The following NDRG4 variants were observed in gnomAD, a reference collection of about 807,000 sequenced individuals.
NDRG4 encodes the protein NDRG family member 4, also known as protein NDRG4.
In NDRG4, 38 loss-of-function variants were observed where a neutral mutation model predicts 55.8. The observed-to-expected ratio is 0.68, with a 90% CI of 0.53 to 0.89. The LOEUF (loss-of-function observed/expected upper bound fraction) is 0.89. Among genes scored for constraint, NDRG4 ranks in the 40% least tolerant of loss-of-function variants. The pLI, the probability that NDRG4 is intolerant of heterozygous loss-of-function variation, is 0.00. For synonymous variants in NDRG4, 190 were observed against 182.7 expected (o/e 1.04, Z -0.32); for missense variants, 455 against 468.6 (o/e 0.97, Z 0.27).
chr16:58,507,854 A>G lies in NDRG4; in HGVS notation c.667A>G (p.Lys223Glu). Residue 223 changes from lysine (K) to glutamate (E), a missense_variant, in exon 9 of 15, where the codon AAG (lysine) becomes GAG (glutamate). By Grantham distance (56) the Lys-to-Glu change is moderately conservative. Transcript: ENST00000570248. ...INRPGTVPNA[K>E]TLRCPVMLVV... is the part of the protein sequence containing the mutation. ...CCGGCCTGGAACGGTGCCCAATGCC[A>G]AGACGCTCCGGTGAGTGGCCCCTGG... 1 of 1,613,994 alleles carries G rather than the reference A, an allele frequency of 6.2e-7. No individual in the cohort carries two copies. Among genetic ancestry groups the G allele is most frequent in the South Asian group, 1.1e-5 (1 of 91,086 alleles).
intron 2 of NDRG4, among the ~76,000 whole-genome samples, chr16:58,488,996 A>G (rs2035460106): frequency 6.6e-6 from 1 of 151,920 alleles, no homozygotes; most frequent in African/African-American, 2.4e-5. Context: ...TTCGCTCTGT[A>G]CCCTTTTAAA....
In NDRG4 at chr16:58,500,472, T is replaced by C. The variant is rs1470429416; in HGVS notation, c.21+203T>C. ...GTTTGCAGGAGTGGCTGGGGGCAGC[T>C]GCTAGTCAGAGCCCATAGCAGGGGC... On this transcript the variant is annotated intron_variant, in intron 1 of 14. Transcript: ENST00000570248. 2.6e-5 allele frequency: 13 copies of C among 496,124 alleles called. No homozygotes were observed. The Admixed American group carries it at 3.9e-4, about 15-fold the overall frequency. The allele number at this position is 496,124 out of a possible 1,614,324, so 30.7% of individuals were successfully genotyped here.
intron 3 of NDRG4, chr16:58,495,078 T>G: frequency 1.3e-6 from 2 of 1,511,348 alleles, no homozygotes; most frequent in Non-Finnish European, 9.1e-7. Flanking sequence ...CCTGGCCAGG[T>G]CCCAGAGGAG....
intron 2 of NDRG4, among the ~76,000 whole-genome samples, chr16:58,492,554 G>GACAGAC (rs371291705): frequency 2.8e-4 from 39 of 139,738 alleles, no homozygotes; most frequent in Non-Finnish European, 7.6e-5. Flanking sequence ...GTGTGTGTGA[G>GACAGAC]AGACAGACAG....
At chr16:58,489,931 A>G (rs1176048905) in intron 2 of NDRG4, among the ~76,000 whole-genome samples, 3 of 151,958 alleles carry the variant, frequency 2.0e-5, no homozygotes, top group African/African-American at 7.3e-5. Flanking sequence ...TGCAGCCTCA[A>G]CTTCCTGGGC....
In NDRG4 at chr16:58,512,940, G is replaced by A. The variant is rs144652647; in HGVS notation, c.*1364G>A. 8.5e-5 allele frequency: 13 copies of A among 152,706 alleles called. No individual in the cohort carries two copies. The highest frequency in any genetic ancestry group is 1.8e-4 in the Non-Finnish European group (12 of 68,058). The allele number at this position is 152,706 out of a possible 1,614,324, so 9.5% of individuals were successfully genotyped here. On this transcript the variant is annotated 3_prime_UTR_variant, in exon 15 of 15. Coordinates refer to ENST00000570248, the MANE Select transcript of NDRG4 (RefSeq NM_001242835.2). Reference sequence around the variant, plus strand: ...TGAGGCTGAGAGGACACCTATATGCGTATTTCCTCTACACACATCACCCCC... The same window carrying A: ...TGAGGCTGAGAGGACACCTATATGCATATTTCCTCTACACACATCACCCCC...
At chr16:58,470,922 A>AG (rs2032671053) in intron 1 of NDRG4, among the ~76,000 whole-genome samples, 1 of 151,276 alleles carries the variant, frequency 6.6e-6, no homozygotes, top group South Asian at 2.1e-4. Flanking sequence ...AAAAAAAAAA[A>AG]AAAAAGAGGG....
intron 1 of NDRG4, among the ~76,000 whole-genome samples, chr16:58,470,922 A>G (rs2032669918): frequency 6.6e-6 from 1 of 151,276 alleles, no homozygotes; most frequent in Admixed American, 6.6e-5. Flanking sequence ...AAAAAAAAAA[A>G]AAAAAGAGGG....
intron 5 of NDRG4, among the ~76,000 whole-genome samples, chr16:58,505,433 A>AACAAAAACC (rs1555486340): frequency 7.3e-5 from 10 of 137,752 alleles, no homozygotes; most frequent in African/African-American, 2.9e-4. Flanking sequence ...AAAAAAAAAA[A>AACAAAAACC]CAAAAACCCA....
At chr16:58,475,404 A>G (rs1172228997) in intron 1 of NDRG4, among the ~76,000 whole-genome samples, 2 of 152,168 alleles carry the variant, frequency 1.3e-5, no homozygotes, top group African/African-American at 4.8e-5. Context: ...TGCCTGCTGG[A>G]GAGAGGAAGT....
chr16:58,507,902 T>C (rs775762036), intron 9 of NDRG4, 38 bp downstream of exon 9: 1 of 1,613,892 alleles, frequency 6.2e-7, no homozygotes, highest in South Asian at 1.1e-5. Context: ...CCCTGGCCTT[T>C]GCCCCCATGA....
intron 1 of NDRG4, among the ~76,000 whole-genome samples, chr16:58,480,616 T>C (rs2034276455): frequency 6.6e-6 from 1 of 152,240 alleles, no homozygotes; most frequent in African/African-American, 2.4e-5. Flanking sequence ...TTCCTATGGC[T>C]TCTGTGGACA....
rs606231463 is a variant in NDRG4, at chr16:58,504,632, G to C, written c.355G>C (p.Val119Leu). The part of the protein sequence containing the change: ...IGIGVGAGAY[V>L]LAKFALIFPD... ...CATCGGAGTGGGCGCCGGAGCCTAT[G>C]TGCTGGCCAAGTTTGCAGTGAGTCT... is the stretch of plus-strand genomic sequence containing the variant. Residue 119 changes from valine (V) to leucine (L), a missense_variant, in exon 5 of 15, where the codon GTG (valine) becomes CTG (leucine). By Grantham distance (32) the Val-to-Leu change is conservative (BLOSUM62 1). Coordinates refer to ENST00000570248, the MANE Select transcript of NDRG4 (RefSeq NM_001242835.2). 3.9e-5 allele frequency: 63 copies of C among 1,614,072 alleles called. No individual in the cohort carries two copies. The Middle Eastern group carries it at 4.9e-4, about 13-fold the overall frequency.
intron 10 of NDRG4, among the ~76,000 whole-genome samples, 157 bp from the exon 11 acceptor site, chr16:58,508,805 G>A (rs1248888597): frequency 6.6e-6 from 1 of 152,224 alleles, no homozygotes; most frequent in Non-Finnish European, 1.5e-5. Flanking sequence ...AGCCCTGGGA[G>A]AAGAAAGCCT....
At chr16:58,487,949 G>A in intron 2 of NDRG4, 1 of 902,440 alleles carries the variant, frequency 1.1e-6, no homozygotes, top group East Asian at 3.1e-5. Flanking sequence ...CCCTCCCTAG[G>A]GCCAGCCACA....
At chr16:58,510,771 C>G in intron 14 of NDRG4, 88 bp downstream of exon 14, 1 of 1,255,820 alleles carries the variant, frequency 8.0e-7, no homozygotes, top group East Asian at 2.5e-5. Flanking sequence ...GCAGCCAGGC[C>G]GCATCTTGCT....
chr16:58,510,141 G>A (rs1210673586), intron 13 of NDRG4, among the ~76,000 whole-genome samples: 3 of 152,248 alleles, frequency 2.0e-5, no homozygotes, highest in Non-Finnish European at 1.5e-5. Context: ...GAAGGCTGGG[G>A]AGGACACCCA....
At chr16:58,477,133 T>C (rs2033768744) in intron 1 of NDRG4, among the ~76,000 whole-genome samples, 3 of 151,216 alleles carry the variant, frequency 2.0e-5, no homozygotes, top group Non-Finnish European at 1.5e-5. Context: ...ATATATGTGA[T>C]ATATATATGT....
Position 58,500,286 on chromosome 16 carries a change from C to T in NDRG4, c.21+17C>T, listed in dbSNP as rs575590044. The T allele has an allele frequency of 4.6e-6, 7 of 1,535,564 alleles. No homozygotes were observed. Among genetic ancestry groups the T allele is most frequent in the African/African-American group, 1.4e-5 (1 of 73,148 alleles). On this transcript the variant is annotated intron_variant, in intron 1 of 14. Coordinates refer to ENST00000570248, the MANE Select transcript of NDRG4 (RefSeq NM_001242835.2). ...TGGGATGGGGTGAGTGAGGGCGCTG[C>T]GGGCATCAAGGTGGGCCGGGAGGAT... is the stretch of plus-strand genomic sequence containing the variant.
Sources: allele counts gnomAD v4.1 joint callset (sites outside exome capture counted in the v4.1 genomes callset), GRCh38; gene constraint gnomAD v4.1.1; transcripts MANE v1.5; gene names NCBI Gene and HGNC (gene_info 2026-07-23, HGNC 2026-07-21).